ARHGEF26: variants seen among roughly 807,000 people sequenced by gnomAD.
ARHGEF26 encodes Rho guanine nucleotide exchange factor (GEF) 26.
A neutral mutation model predicts 89.4 loss-of-function variants in ARHGEF26; 59 were observed. That is an observed-to-expected ratio of 0.66 (90% CI 0.54 to 0.82). The LOEUF is 0.82. Ranked by LOEUF, ARHGEF26 falls within the 40% of genes least tolerant of loss-of-function variation. ARHGEF26 has a pLI of 0.00. For missense variants in ARHGEF26, 1,234 were observed against 1,085.6 expected (o/e 1.14, Z -1.92); for synonymous variants, 500 against 428.4 (o/e 1.17, Z -2.06).
chr3:154,222,917 C>T (rs1391844698), intron 10 of ARHGEF26, among the ~76,000 whole-genome samples: 1 of 152,094 alleles, frequency 6.6e-6, no homozygotes, highest in African/African-American at 2.4e-5. Flanking sequence ...AGCTTATCCT[C>T]TGAGATGGGA....
At chr3:154,179,266 T>C (rs1341052214) in intron 6 of ARHGEF26, among the ~76,000 whole-genome samples, 1 of 152,252 alleles carries the variant, frequency 6.6e-6, no homozygotes, top group East Asian at 1.9e-4. Context: ...TCTGGCACCA[T>C]TAGCAAACCA....
At chr3:154,224,690 G>A (rs935737897) in intron 10 of ARHGEF26, among the ~76,000 whole-genome samples, 2 of 152,088 alleles carry the variant, frequency 1.3e-5, no homozygotes, top group Non-Finnish European at 2.9e-5. Context: ...GTCTGATTTC[G>A]AGATTTTGGG....
intron 6 of ARHGEF26, among the ~76,000 whole-genome samples, chr3:154,173,859 TA>T (rs1325398718): frequency 6.6e-6 from 1 of 152,156 alleles, no homozygotes; most frequent in Non-Finnish European, 1.5e-5. Context: ...AAATAAAACA[TA>T]AATTTGGAGA....
intron 4 of ARHGEF26, among the ~76,000 whole-genome samples, chr3:154,136,245 C>G (rs78921826): frequency 0.047 from 4,276 of 91,670 alleles, 114 homozygotes; most frequent in Non-Finnish European, 0.082. Flanking sequence ...AATATTTTAA[C>G]TAAAGTATTT....
Position 154,256,672 on chromosome 3 carries a change from T to G in ARHGEF26, c.*1199T>G. 3 of 1,196,674 alleles carry G rather than the reference T, an allele frequency of 2.5e-6. No homozygotes were observed. Among genetic ancestry groups the G allele is most frequent in the Non-Finnish European group, 3.1e-6 (3 of 967,370 alleles). 74.1% of individuals were successfully genotyped at this position (1,196,674 alleles called of 1,614,324 possible). On this transcript the variant is annotated 3_prime_UTR_variant, in exon 15 of 15. Coordinates refer to ENST00000465093, the MANE Select transcript of ARHGEF26 (RefSeq NM_015595.4). ...TTCCAACTCGTTTCCAAATAGAAAT[T>G]AGCTGGAACACACTACAGTAATCTC...
At chr3:154,211,177 GC>G (rs1715338451) in intron 9 of ARHGEF26, among the ~76,000 whole-genome samples, 1 of 152,132 alleles carries the variant, frequency 6.6e-6, no homozygotes, top group Non-Finnish European at 1.5e-5. Context: ...TGTCATGTGA[GC>G]CCCCATTCCA....
intron 6 of ARHGEF26, among the ~76,000 whole-genome samples, chr3:154,178,532 TAA>T (rs1445984753): frequency 6.6e-6 from 1 of 152,248 alleles, no homozygotes; most frequent in Non-Finnish European, 1.5e-5. Flanking sequence ...TTACCTAGCA[TAA>T]AGTTTTCAAG....
intron 6 of ARHGEF26, among the ~76,000 whole-genome samples, chr3:154,178,764 A>G (rs1435741724): frequency 6.6e-6 from 1 of 152,154 alleles, no homozygotes; most frequent in African/African-American, 2.4e-5. Context: ...GAAGGGTCAT[A>G]TGGAAACTAT....
chr3:154,197,822 T>C (rs1714380929), intron 9 of ARHGEF26, among the ~76,000 whole-genome samples: 1 of 152,150 alleles, frequency 6.6e-6, no homozygotes, highest in Admixed American at 6.6e-5. Context: ...ATAATTTCCA[T>C]AGGAATCTGG....
At chr3:154,158,079 GGCCAGGGT>G (rs1711501157) in intron 6 of ARHGEF26, among the ~76,000 whole-genome samples, 1 of 152,058 alleles carries the variant, frequency 6.6e-6, no homozygotes. Flanking sequence ...AGTAGGTGGG[GGCCAGGGT>G]GCCAGGCATC....
At chr3:154,163,966 C>G (rs1240238209) in intron 6 of ARHGEF26, among the ~76,000 whole-genome samples, 1 of 152,076 alleles carries the variant, frequency 6.6e-6, no homozygotes, top group Admixed American at 6.6e-5. Flanking sequence ...ATAACATACA[C>G]TACCCTCCTT....
At chr3:154,201,046 A>G (rs1714598699) in intron 9 of ARHGEF26, among the ~76,000 whole-genome samples, 1 of 152,016 alleles carries the variant, frequency 6.6e-6, no homozygotes, top group South Asian at 2.1e-4. Flanking sequence ...ACATGTGCAC[A>G]AGGTGCAGGT....
At chr3:154,178,773 A>G (rs776365574) in intron 6 of ARHGEF26, among the ~76,000 whole-genome samples, 1 of 152,150 alleles carries the variant, frequency 6.6e-6, no homozygotes, top group Non-Finnish European at 1.5e-5. Flanking sequence ...TATGGAAACT[A>G]TGTTTAACAT....
intron 4 of ARHGEF26, among the ~76,000 whole-genome samples, chr3:154,142,674 C>G (rs1222007808): frequency 1.3e-5 from 2 of 151,898 alleles, no homozygotes; most frequent in Admixed American, 1.3e-4. Context: ...AAAATAGCAA[C>G]TAATATATTG....
intron 12 of ARHGEF26, among the ~76,000 whole-genome samples, chr3:154,252,059 C>T (rs2108302265): frequency 6.6e-6 from 1 of 152,232 alleles, no homozygotes; most frequent in East Asian, 1.9e-4. Flanking sequence ...ATCCTCTCTG[C>T]CTGGGTTGGA....
chr3:154,235,895 A>G (rs1245444010), intron 11 of ARHGEF26, among the ~76,000 whole-genome samples: 1 of 152,180 alleles, frequency 6.6e-6, no homozygotes, highest in Non-Finnish European at 1.5e-5. Context: ...AGATACATAT[A>G]TGGAGCTTTA....
At chr3:154,248,639 A>G (rs921348338) in intron 12 of ARHGEF26, among the ~76,000 whole-genome samples, 63 of 152,132 alleles carry the variant, frequency 4.1e-4, no homozygotes, top group African/African-American at 1.5e-3. Context: ...TCAGCAGGAA[A>G]ACATCATTGA....
At chr3:154,129,504 A>G in intron 3 of ARHGEF26, 70 bp from the exon 4 acceptor site, 1 of 1,512,624 alleles carries the variant, frequency 6.6e-7, no homozygotes, top group Non-Finnish European at 8.9e-7. Context: ...GGTACATATG[A>G]TGTTTATTTA....
chr3:154,127,600 A>ATT (rs59102588), intron 3 of ARHGEF26, among the ~76,000 whole-genome samples: 2 of 139,766 alleles, frequency 1.4e-5, no homozygotes, highest in South Asian at 2.3e-4. Flanking sequence ...ACAGTTAACT[A>ATT]TTTTTTTTTT....
Sources: allele counts gnomAD v4.1 joint callset (sites outside exome capture counted in the v4.1 genomes callset), GRCh38; gene constraint gnomAD v4.1.1; transcripts MANE v1.5; gene names NCBI Gene and HGNC (gene_info 2026-07-23, HGNC 2026-07-21).